PCDH11X: variants seen among roughly 807,000 people sequenced by gnomAD.
PCDH11X encodes the protein protocadherin-11 X-linked.
Under a neutral mutation model 53.3 loss-of-function variants are expected in PCDH11X, and 18 were observed. The ratio of observed to expected loss-of-function variants is 0.34; its 90% confidence interval spans 0.23 to 0.50. The LOEUF is 0.50. PCDH11X is among the 20% of genes least tolerant of loss of function. PCDH11X has a pLI of 0.98. For missense variants in PCDH11X, 570 were observed against 1,032.4 expected, an observed-to-expected ratio of 0.55 and a Z score of 6.14; for synonymous variants, 279 against 393.3, an observed-to-expected ratio of 0.71 and a Z score of 3.44.
chrX:91,800,028 G>A (rs1418456460), intron 1 of PCDH11X, among the ~76,000 whole-genome samples: 2 of 112,651 alleles, frequency 1.8e-5, no homozygotes, highest in African/African-American at 3.2e-5. Flanking sequence ...GGCGGAGGTT[G>A]CAGTGAGCCG....
chrX:92,087,708 C>T (rs373290382), intron 6 of PCDH11X, among the ~76,000 whole-genome samples: 8 of 109,841 alleles, frequency 7.3e-5, no homozygotes, highest in East Asian at 5.7e-4. Flanking sequence ...TCATGATAAT[C>T]GTTTTCAAAT....
At chrX:92,047,987 GT>G (rs2063315004) in intron 6 of PCDH11X, among the ~76,000 whole-genome samples, 1 of 111,220 alleles carries the variant, frequency 9.0e-6, no homozygotes, top group South Asian at 3.8e-4. Flanking sequence ...TGTCTGGGAG[GT>G]AAAATAATAC....
At chrX:92,272,288 T>C (rs570397254) in intron 8 of PCDH11X, among the ~76,000 whole-genome samples, 3 of 111,854 alleles carry the variant, frequency 2.7e-5, no homozygotes, top group African/African-American at 6.5e-5. Context: ...CTAAGTTAGA[T>C]ATATTATTTT....
chrX:92,375,164 A>AT (rs1817360852), intron 8 of PCDH11X, among the ~76,000 whole-genome samples: 6 of 9,961 alleles, frequency 6.0e-4, no homozygotes, highest in Non-Finnish European at 7.9e-4. Flanking sequence ...ATATATATAT[A>AT]TATTTTTTTT....
intron 10 of PCDH11X, among the ~76,000 whole-genome samples, chrX:92,546,402 C>A (rs1468626001): frequency 8.9e-6 from 1 of 111,732 alleles, no homozygotes; most frequent in Non-Finnish European, 1.9e-5. Context: ...CATCGACATA[C>A]ATGAAAGACG....
chrX:92,120,392 T>G (rs1157677724), intron 6 of PCDH11X, among the ~76,000 whole-genome samples: 1 of 111,851 alleles, frequency 8.9e-6, no homozygotes, highest in East Asian at 2.8e-4. Context: ...ACTCCTGACC[T>G]CGTGATCCAC....
At chrX:92,365,417 T>C (rs2070448353) in intron 8 of PCDH11X, among the ~76,000 whole-genome samples, 1 of 110,537 alleles carries the variant, frequency 9.0e-6, no homozygotes, top group South Asian at 3.9e-4. Context: ...ATTGTTTTTT[T>C]AAAAAGTAAA....
intron 7 of PCDH11X, among the ~76,000 whole-genome samples, chrX:92,256,451 C>G (rs961021102): frequency 2.7e-5 from 3 of 111,781 alleles, no homozygotes; most frequent in Non-Finnish European, 3.8e-5. Context: ...TCCTATTCGG[C>G]CATCTTGGCT....
intron 9 of PCDH11X, among the ~76,000 whole-genome samples, chrX:92,420,320 A>G (rs1348916764): frequency 8.9e-6 from 1 of 112,212 alleles, no homozygotes; most frequent in Admixed American, 9.4e-5. Flanking sequence ...TTTATTATTC[A>G]TCTTTCTCTT....
intron 6 of PCDH11X, among the ~76,000 whole-genome samples, chrX:92,166,147 C>T (rs1157970862): frequency 1.9e-5 from 2 of 107,574 alleles, no homozygotes; most frequent in Non-Finnish European, 3.8e-5. Flanking sequence ...TATTTTTTCA[C>T]ACAATAATGA....
At chrX:92,519,983 CTGAT>C (rs2074339422) in intron 10 of PCDH11X, among the ~76,000 whole-genome samples, 1 of 107,251 alleles carries the variant, frequency 9.3e-6, no homozygotes, top group Admixed American at 1.0e-4. Flanking sequence ...GAGGGAAAAA[CTGAT>C]TGGCTTCTAA....
chrX:92,619,565 A>G lies in PCDH11X; in HGVS notation c.*625A>G, dbSNP rs1276458947. 2 of 107,286 alleles carry G rather than the reference A, an allele frequency of 1.9e-5. No individual in the cohort carries two copies. Among genetic ancestry groups the G allele is most frequent in the Non-Finnish European group, 3.8e-5 (2 of 53,259 alleles). The allele number at this position is 107,286 out of a possible 1,213,427, so 8.8% of individuals were successfully genotyped here. Reference sequence around the variant, plus strand: ...ATACTATATTGTTGATAAAATTTGTATATACATTTTCAATAAAGAATATGT... The same window carrying G: ...ATACTATATTGTTGATAAAATTTGTGTATACATTTTCAATAAAGAATATGT... On this transcript the variant is annotated 3_prime_UTR_variant, in exon 11 of 11. Transcript: ENST00000682573.
intron 6 of PCDH11X, among the ~76,000 whole-genome samples, chrX:91,975,209 T>C (rs891728820): frequency 1.7e-4 from 19 of 111,636 alleles, no homozygotes; most frequent in African/African-American, 5.9e-4. Flanking sequence ...GGTCAGTTTC[T>C]ATATTTATTA....
At chrX:92,259,782 G>T (rs777177869) in intron 7 of PCDH11X, among the ~76,000 whole-genome samples, 11 of 111,501 alleles carry the variant, frequency 9.9e-5, no homozygotes, top group African/African-American at 3.6e-4. Context: ...GGTTATTCAG[G>T]GCCCAAGGGC....
intron 6 of PCDH11X, among the ~76,000 whole-genome samples, chrX:92,175,756 ATG>A (rs751094829): frequency 5.6e-5 from 4 of 70,939 alleles, no homozygotes; most frequent in Non-Finnish European, 7.9e-5. Flanking sequence ...GTATACATAT[ATG>A]TGTGTGTGTG....
chrX:92,167,026 A>G (rs1477359461), intron 6 of PCDH11X, among the ~76,000 whole-genome samples: 1 of 109,945 alleles, frequency 9.1e-6, no homozygotes, highest in Non-Finnish European at 1.9e-5. Context: ...TATTATGAAC[A>G]TTAAAATTAA....
At chrX:92,343,946 A>G (rs1420626840) in intron 8 of PCDH11X, among the ~76,000 whole-genome samples, 2 of 110,443 alleles carry the variant, frequency 1.8e-5, no homozygotes, top group Non-Finnish European at 3.8e-5. Flanking sequence ...ATTTCTTGAA[A>G]GCTGGTTATA....
chrX:91,906,084 TA>T (rs1215030804), intron 6 of PCDH11X, among the ~76,000 whole-genome samples: 1 of 110,815 alleles, frequency 9.0e-6, no homozygotes, highest in Non-Finnish European at 1.9e-5. Context: ...ATTTAAAGAC[TA>T]AAAAATTATA....
At chrX:92,218,363 A>G (rs2066770921) in intron 7 of PCDH11X, among the ~76,000 whole-genome samples, 1 of 111,236 alleles carries the variant, frequency 9.0e-6, no homozygotes, top group Non-Finnish European at 1.9e-5. Context: ...GATAAAGGGG[A>G]TATCACCACC....
Sources: gnomAD v4.1 joint callset for allele counts (sites outside exome capture counted in the v4.1 genomes callset) on GRCh38, gnomAD v4.1.1 for gene constraint, MANE v1.5 for transcripts, NCBI Gene and HGNC (gene_info 2026-07-23, HGNC 2026-07-21) for gene names.